The following ASIC2 variants were observed in gnomAD, a reference collection of about 807,000 sequenced individuals.
The protein encoded by ASIC2 is acid-sensing ion channel 2.
A neutral mutation model predicts 57.3 loss-of-function variants in ASIC2; 25 were observed. The ratio of observed to expected loss-of-function variants is 0.44; its 90% CI spans 0.32 to 0.61. The LOEUF is 0.61. Ranked by LOEUF, ASIC2 falls within the 20% of genes least tolerant of loss-of-function variation. The pLI, the probability that ASIC2 is intolerant of heterozygous loss-of-function variation, is 0.06. For synonymous variants in ASIC2, 319 were observed against 307.5 expected (o/e 1.04, Z -0.39); for missense variants, 641 against 738.1 (o/e 0.87, Z 1.52).
intron 1 of ASIC2, among the ~76,000 whole-genome samples, chr17:33,768,802 G>C (rs1442012068): frequency 6.6e-6 from 1 of 152,070 alleles, no homozygotes; most frequent in African/African-American, 2.4e-5. Context: ...AAAGACCCCA[G>C]ACTCAGTCGG....
At chr17:33,569,880 C>T (rs1916374545) in intron 1 of ASIC2, among the ~76,000 whole-genome samples, 2 of 152,190 alleles carry the variant, frequency 1.3e-5, no homozygotes. Context: ...TCTTAGCATT[C>T]CCAATTAGCC....
At chr17:33,533,530 A>G (rs966495074) in intron 1 of ASIC2, 1 of 152,010 alleles carries the variant, frequency 6.6e-6, no homozygotes, top group African/African-American at 2.4e-5. Context: ...AAAGAAATCT[A>G]CTTGTGTCAC....
intron 1 of ASIC2, among the ~76,000 whole-genome samples, chr17:33,393,606 C>T (rs1909975697): frequency 6.6e-6 from 1 of 152,124 alleles, no homozygotes; most frequent in African/African-American, 2.4e-5. Context: ...TTAGGCTTAG[C>T]AAAATGGGAA....
chr17:33,946,806 T>C lies in ASIC2; in HGVS notation c.555+209172A>G, dbSNP rs187365076. Among the ~76,000 whole-genome samples the C allele has an allele frequency of 3.3e-5, 5 of 152,224 alleles. No individual in the cohort carries two copies. In the East Asian group the frequency reaches 9.7e-4, roughly 29 times the overall value. Reference sequence around the variant, plus strand: ...ATGGATAAAGCTGGCATAGATTGGCTTACATATAGGAAAGAGTAGCAGAGA... The same window carrying C: ...ATGGATAAAGCTGGCATAGATTGGCCTACATATAGGAAAGAGTAGCAGAGA... On this transcript the variant is annotated intron_variant, in intron 1 of 9. Coordinates refer to the ASIC2 transcript ENST00000359872.
intron 1 of ASIC2, among the ~76,000 whole-genome samples, chr17:33,870,202 G>A (rs893679282): frequency 2.2e-5 from 3 of 134,674 alleles, no homozygotes; most frequent in African/African-American, 8.3e-5. Context: ...GCAAAGCCTT[G>A]TGGGCTGTGA....
At chr17:33,575,275 T>C (rs1916583188) in intron 1 of ASIC2, among the ~76,000 whole-genome samples, 1 of 152,188 alleles carries the variant, frequency 6.6e-6, no homozygotes, top group African/African-American at 2.4e-5. Context: ...CCCCAGGGCT[T>C]CTGTAAGCAT....
In ASIC2 at chr17:33,338,023, T is replaced by G. The variant is rs1733288901; in HGVS notation, c.556-225956A>C. On this transcript the variant is annotated intron_variant, in intron 1 of 9. Transcript: ENST00000359872. Reference sequence around the variant, plus strand: ...GCAAAGAAGGTGGAAGTGTTCCTTCTAAGGTGTTCTGGAAGGGCAAAGAGG... The same window carrying G: ...GCAAAGAAGGTGGAAGTGTTCCTTCGAAGGTGTTCTGGAAGGGCAAAGAGG... Among the ~76,000 whole-genome samples, 3 of 151,862 alleles carry G rather than the reference T, an allele frequency of 2.0e-5. No individual in the cohort carries two copies. In the South Asian group the frequency reaches 6.2e-4, roughly 32 times the overall value.
intron 1 of ASIC2, among the ~76,000 whole-genome samples, chr17:33,864,271 C>G (rs1412574570): frequency 6.6e-6 from 1 of 151,974 alleles, no homozygotes; most frequent in African/African-American, 2.4e-5. Flanking sequence ...AAAGTTTCCA[C>G]TATACACATA....
At chr17:33,073,437 C>T (rs1024383166) in intron 3 of ASIC2, among the ~76,000 whole-genome samples, 9 of 152,074 alleles carry the variant, frequency 5.9e-5, no homozygotes, top group African/African-American at 9.7e-5. Flanking sequence ...TCTGAAAGGT[C>T]GGGGTTTGAA....
chr17:34,074,926 C>T (rs1161375074), intron 1 of ASIC2, among the ~76,000 whole-genome samples: 1 of 151,846 alleles, frequency 6.6e-6, no homozygotes, highest in Non-Finnish European at 1.5e-5. Flanking sequence ...GTTGGGATTA[C>T]AGGCACCTGC....
At chr17:34,019,700 G>A (rs940194891) in intron 1 of ASIC2, among the ~76,000 whole-genome samples, 1 of 152,168 alleles carries the variant, frequency 6.6e-6, no homozygotes, top group African/African-American at 2.4e-5. Flanking sequence ...ATGCACTGAG[G>A]AACCAAGAAA....
intron 1 of ASIC2, among the ~76,000 whole-genome samples, chr17:33,723,520 G>T (rs1244354334): frequency 6.6e-6 from 1 of 152,090 alleles, no homozygotes; most frequent in East Asian, 1.9e-4. Flanking sequence ...TTAGAGATAT[G>T]GTTTCACCCT....
intron 1 of ASIC2, among the ~76,000 whole-genome samples, chr17:33,327,488 G>T (rs1480684913): frequency 6.6e-6 from 1 of 152,156 alleles, no homozygotes; most frequent in Non-Finnish European, 1.5e-5. Flanking sequence ...TTATTCGTTT[G>T]TTTGATTAAC....
chr17:33,737,174 A>G (rs943561479), intron 1 of ASIC2, among the ~76,000 whole-genome samples: 1 of 152,274 alleles, frequency 6.6e-6, no homozygotes, highest in Admixed American at 6.5e-5. Context: ...TTTTACCCTT[A>G]TAAACTGAGG....
intron 1 of ASIC2, among the ~76,000 whole-genome samples, chr17:34,098,517 C>A (rs1910628244): frequency 6.6e-6 from 1 of 152,246 alleles, no homozygotes; most frequent in Non-Finnish European, 1.5e-5. Flanking sequence ...GGCGAATGTG[C>A]TCAGGGAAGG....
intron 1 of ASIC2, among the ~76,000 whole-genome samples, chr17:33,441,730 C>A (rs1469081945): frequency 6.6e-6 from 1 of 152,104 alleles, no homozygotes; most frequent in Non-Finnish European, 1.5e-5. Flanking sequence ...AATAAATAGA[C>A]CTTGCAAAGT....
chr17:33,804,320 A>G (rs1433016355), intron 1 of ASIC2, among the ~76,000 whole-genome samples: 2 of 152,220 alleles, frequency 1.3e-5, no homozygotes, highest in Admixed American at 1.3e-4. Flanking sequence ...TGAGACAGAT[A>G]TTTAAAACTC....
chr17:34,032,910 T>A (rs868019353), intron 1 of ASIC2, among the ~76,000 whole-genome samples: 3 of 152,130 alleles, frequency 2.0e-5, no homozygotes, highest in African/African-American at 7.2e-5. Flanking sequence ...CACACAATAA[T>A]AATGGGAGAC....
chr17:33,832,752 T>A (rs540344474), intron 1 of ASIC2, among the ~76,000 whole-genome samples: 5 of 152,344 alleles, frequency 3.3e-5, no homozygotes, highest in African/African-American at 1.2e-4. Flanking sequence ...CTAGAATATA[T>A]TTACTCCAGA....
Sources: allele counts gnomAD v4.1 joint callset (sites outside exome capture counted in the v4.1 genomes callset), GRCh38; gene constraint gnomAD v4.1.1; transcripts MANE v1.5; gene names NCBI Gene and HGNC (gene_info 2026-07-23, HGNC 2026-07-21).